LSM3: variants seen among roughly 807,000 people sequenced by gnomAD.
LSM3 encodes U6 snRNA-associated Sm-like protein LSm3.
LSM3 carries 14 observed loss-of-function variants against 15.4 expected under a neutral mutation model. That is an observed-to-expected ratio of 0.91 (90% confidence interval 0.60 to 1.42). LSM3 has a LOEUF of 1.42. Among genes scored for constraint, LSM3 ranks in the 40% most tolerant of loss-of-function variants. The pLI is 0.00. For missense variants in LSM3, 88 were observed against 127.9 expected (o/e 0.69, Z 1.50); for synonymous variants, 46 against 45.1 (o/e 1.02, Z -0.08).
At chr3:14,182,185 C>T (rs1697045856) in intron 2 of LSM3, among the ~76,000 whole-genome samples, 1 of 152,074 alleles carries the variant, frequency 6.6e-6, no homozygotes, top group Non-Finnish European at 1.5e-5. Flanking sequence ...CATAGAGAGA[C>T]CCTGTCTCTA....
At chr3:14,180,762 C>T (rs544015730) in intron 1 of LSM3, among the ~76,000 whole-genome samples, 4 of 143,598 alleles carry the variant, frequency 2.8e-5, no homozygotes, top group Admixed American at 2.2e-4. Flanking sequence ...TCATAAATGT[C>T]AGGTCACAGC....
At chr3:14,197,514 A>G (rs1214898810) in intron 3 of LSM3, among the ~76,000 whole-genome samples, 1 of 152,226 alleles carries the variant, frequency 6.6e-6, no homozygotes, top group Non-Finnish European at 1.5e-5. Flanking sequence ...ATGGCTCAGC[A>G]AAGTAGAAGT....
chr3:14,197,752 C>T (rs1222059393), intron 3 of LSM3, among the ~76,000 whole-genome samples: 1 of 152,188 alleles, frequency 6.6e-6, no homozygotes, highest in East Asian at 1.9e-4. Context: ...TTGGTTAAAG[C>T]AATCCGATGG....
rs1697209826 is a variant in LSM3 at position 14,198,909 on chromosome 3, G to A, written c.*793G>A. 6.6e-6 allele frequency: 1 copy of A among 151,752 alleles called. No homozygotes were observed. Among genetic ancestry groups the A allele is most frequent in the Non-Finnish European group, 1.5e-5 (1 of 67,954 alleles). The allele number at this position is 151,752 out of a possible 1,614,324, so 9.4% of individuals were successfully genotyped here. ...CCTCAAGTCTTCTGGGGAGGCAGAT[G>A]TTTAAACCAACAATTGCAGGCAGTA... On this transcript the variant is annotated 3_prime_UTR_variant, in exon 4 of 4. Coordinates refer to ENST00000306024, the MANE Select transcript of LSM3 (RefSeq NM_014463.3).
At position 14,201,079 on chromosome 3, in the gene LSM3, A is replaced by G. The variant is rs1456352960; in HGVS notation, c.*2963A>G. On this transcript the variant is annotated 3_prime_UTR_variant, in exon 4 of 4. Transcript: ENST00000306024. Reference sequence around the variant, plus strand: ...TAATGCTCAGCTGTGTTCAATGTAGAAAATTAATAAAAGTTCCAGGAGTCA... The same window carrying G: ...TAATGCTCAGCTGTGTTCAATGTAGGAAATTAATAAAAGTTCCAGGAGTCA... The G allele has an allele frequency of 6.6e-6, 1 of 152,246 alleles. No individual in the cohort carries two copies. Among genetic ancestry groups the G allele is most frequent in the Non-Finnish European group, 1.5e-5 (1 of 68,040 alleles). The allele number at this position is 152,246 out of a possible 1,614,324, so 9.4% of individuals were successfully genotyped here.
intron 3 of LSM3, among the ~76,000 whole-genome samples, chr3:14,190,911 T>C (rs1415178490): frequency 2.0e-5 from 3 of 152,224 alleles, no homozygotes; most frequent in Non-Finnish European, 4.4e-5. Flanking sequence ...CAGTATGATA[T>C]TGGCTGCGGG....
chr3:14,180,515 C>T (rs555336166), intron 1 of LSM3, among the ~76,000 whole-genome samples: 1 of 152,272 alleles, frequency 6.6e-6, no homozygotes, highest in South Asian at 2.1e-4. Context: ...TCTCAAACTC[C>T]TAACCTCAGG....
chr3:14,184,035 A>G lies in LSM3; in HGVS notation c.228+3A>G. On this transcript the variant is annotated splice_donor_region_variant and intron_variant, in intron 3 of 3. Coordinates refer to ENST00000306024, the MANE Select transcript of LSM3 (RefSeq NM_014463.3). The stretch of plus-strand genomic sequence containing the variant: ...AAACATATGAAGAGATATATAAAGT[A>G]AGTCATGCAATTCTATTCATTGCTT... 1 of 1,603,154 alleles carries G rather than the reference A, an allele frequency of 6.2e-7. No individual in the cohort carries two copies. Among genetic ancestry groups the G allele is most frequent in the Non-Finnish European group, 8.5e-7 (1 of 1,176,722 alleles).
At chr3:14,188,556 C>A (rs1296685102) in intron 3 of LSM3, among the ~76,000 whole-genome samples, 2 of 152,196 alleles carry the variant, frequency 1.3e-5, no homozygotes, top group African/African-American at 4.8e-5. Flanking sequence ...AGCACTATTA[C>A]TGGTTTCTTG....
Position 14,197,607 on chromosome 3 carries a change from G to C in LSM3, c.229-429G>C, listed in dbSNP as rs115849784. Among the ~76,000 whole-genome samples the C allele has an allele frequency of 7.9e-3, 1,208 of 152,316 alleles. 20 individuals are homozygous for C. The highest frequency in any genetic ancestry group is 0.025 in the African/African-American group (1,036 of 41,564). Reference sequence around the variant, plus strand: ...TCCAGGTGGCAAGTCAAGGACCCAGGCTTCACCTATCAGTGGCTCTGCCAT... The same window carrying C: ...TCCAGGTGGCAAGTCAAGGACCCAGCCTTCACCTATCAGTGGCTCTGCCAT... On this transcript the variant is annotated intron_variant, in intron 3 of 3. Coordinates refer to ENST00000306024, the MANE Select transcript of LSM3 (RefSeq NM_014463.3).
rs117931836 is a variant in LSM3 at position 14,196,787 on chromosome 3, C to T, written c.229-1249C>T. Among the ~76,000 whole-genome samples the T allele has an allele frequency of 3.9e-4, 60 of 152,320 alleles. No individual in the cohort carries two copies. In the East Asian group the frequency reaches 0.011, roughly 27 times the overall value. On this transcript the variant is annotated intron_variant, in intron 3 of 3. Coordinates refer to ENST00000306024, the MANE Select transcript of LSM3 (RefSeq NM_014463.3). ...CCAACTTCTATTATGCTGGAAGACG[C>T]AAATAGTCAAAGGTTTTTTTTGGCC...
intron 3 of LSM3, among the ~76,000 whole-genome samples, chr3:14,189,423 T>C (rs906682580): frequency 2.6e-5 from 4 of 152,206 alleles, no homozygotes; most frequent in African/African-American, 9.6e-5. Context: ...CCACCAACAG[T>C]GTAAAAGCAT....
Position 14,198,046 on chromosome 3 carries a change from G to A in LSM3, c.239G>A (p.Arg80Gln), listed in dbSNP as rs1484487436. ...TYEEIYKSTK[R>Q]NIPMLFVRGD... ...TTTTTTCTCTTCTAGTCAACGAAAC[G>A]GAATATTCCAATGCTCTTTGTCCGG... Residue 80 changes from arginine (R) to glutamine (Q), a missense_variant, in exon 4 of 4, where the codon CGG (arginine) becomes CAG (glutamine). Arg to Gln is a conservative substitution (Grantham distance 43). Transcript: ENST00000306024. 6 of 1,613,162 alleles carry A rather than the reference G, an allele frequency of 3.7e-6. No individual in the cohort carries two copies. The highest frequency in any genetic ancestry group is 1.7e-5 in the Admixed American group (1 of 59,972).
intron 3 of LSM3, among the ~76,000 whole-genome samples, chr3:14,195,949 GTTTT>G (rs58504064): frequency 1.4e-5 from 2 of 138,506 alleles, no homozygotes; most frequent in South Asian, 2.3e-4. Flanking sequence ...AGCTTTGTGA[GTTTT>G]TTTTTTTTTT....
intron 3 of LSM3, among the ~76,000 whole-genome samples, chr3:14,197,004 T>A (rs1295558259): frequency 6.6e-6 from 1 of 152,270 alleles, no homozygotes. Flanking sequence ...TTGACTACTT[T>A]GAGGCCATTT....
At position 14,187,768 on chromosome 3, in the gene LSM3, A is replaced by G. The variant is rs144463005; in HGVS notation, c.228+3736A>G. 5.7e-3 allele frequency among the ~76,000 whole-genome samples: 863 copies of G among 152,330 alleles called. 7 individuals carry two copies. The highest frequency in any genetic ancestry group is 0.02 in the African/African-American group (827 of 41,570). Reference sequence around the variant, plus strand: ...GGGTTTTTTTCCCCCTATAACTTACATAATTGACTTCTAAATAATTAATTT... The same window carrying G: ...GGGTTTTTTTCCCCCTATAACTTACGTAATTGACTTCTAAATAATTAATTT... On this transcript the variant is annotated intron_variant, in intron 3 of 3. Transcript: ENST00000306024.
chr3:14,195,111 G>C (rs1697176799), intron 3 of LSM3, among the ~76,000 whole-genome samples: 1 of 152,154 alleles, frequency 6.6e-6, no homozygotes, highest in Non-Finnish European at 1.5e-5. Context: ...CCTCCATGCA[G>C]TCATTCAGGA....
intron 3 of LSM3, among the ~76,000 whole-genome samples, chr3:14,192,787 A>G (rs576725116): frequency 1.8e-4 from 27 of 152,280 alleles, no homozygotes; most frequent in African/African-American, 6.3e-4. Flanking sequence ...TTTAAGGTTA[A>G]TAGTGTTATG....
chr3:14,184,070 C>CAGCT (rs1697064238), intron 3 of LSM3, 38 bp downstream of exon 3: 1 of 1,578,774 alleles, frequency 6.3e-7, no homozygotes, highest in African/African-American at 1.4e-5. Flanking sequence ...TTGCAAATAT[C>CAGCT]AGCTGTTCTC....
Sources: gnomAD v4.1 joint callset for allele counts (sites outside exome capture counted in the v4.1 genomes callset) on GRCh38, gnomAD v4.1.1 for gene constraint, MANE v1.5 for transcripts, NCBI Gene and HGNC (gene_info 2026-07-23, HGNC 2026-07-21) for gene names.